C8orf76: variants seen among roughly 807,000 people sequenced by gnomAD.
C8orf76 encodes the protein chromosome 8 open reading frame 76.
In C8orf76, 46 loss-of-function variants were observed where a neutral mutation model predicts 38.1. The ratio of observed to expected loss-of-function variants is 1.21; its 90% CI spans 0.95 to 1.54. The LOEUF (loss-of-function observed/expected upper bound fraction) is 1.54, where lower values mean the gene tolerates loss of function less well. Among genes scored for constraint, C8orf76 ranks in the 40% most tolerant of loss-of-function variants. The probability of loss-of-function intolerance (pLI) is 0.00; values close to 1 mark genes in which losing one functional copy is unlikely to be tolerated. For missense variants in C8orf76, 461 were observed against 441.6 expected (o/e 1.04, Z -0.39); for synonymous variants, 166 against 167.5 (o/e 0.99, Z 0.07).
chr8:123,226,796 C>T (rs1415838996), intron 4 of C8orf76, among the ~76,000 whole-genome samples, 164 bp from the exon 5 acceptor site: 1 of 152,188 alleles, frequency 6.6e-6, no homozygotes, highest in Non-Finnish European at 1.5e-5. Flanking sequence ...ATTTCAATCC[C>T]TAAAGCTTCC....
chr8:123,236,784 A>C (rs1386756977), intron 3 of C8orf76: 2 of 130,608 alleles, frequency 1.5e-5, no homozygotes, highest in East Asian at 2.5e-4. Context: ...ACTCTGTCTC[A>C]AAAAAAAAAA....
intron 4 of C8orf76, among the ~76,000 whole-genome samples, chr8:123,230,189 G>A (rs1169082226): frequency 6.6e-6 from 1 of 152,092 alleles, no homozygotes; most frequent in Non-Finnish European, 1.5e-5. Context: ...AACTGGTCAA[G>A]TGTATTCTCC....
At chr8:123,233,471 T>G (rs1199536755) in intron 3 of C8orf76, among the ~76,000 whole-genome samples, 1 of 151,768 alleles carries the variant, frequency 6.6e-6, no homozygotes, top group Non-Finnish European at 1.5e-5. Flanking sequence ...CTCGACTCAC[T>G]GCAATCTCCA....
In C8orf76 at chr8:123,220,229, G is replaced by A. The variant is rs769019288; in HGVS notation, c.1017C>T (p.Ser339=). The A allele has an allele frequency of 9.9e-6, 16 of 1,613,560 alleles. No homozygotes were observed. The South Asian group carries it at 1.3e-4, about 13-fold the overall frequency. ...EVHPEVKCVG[S]VALTALVTVS... Reference sequence around the variant, plus strand: ...CAGTCACCAAGGCAGTCAGGGCTACGGAGCCAACACACTTCACCTCTGGGT... The same window carrying A: ...CAGTCACCAAGGCAGTCAGGGCTACAGAGCCAACACACTTCACCTCTGGGT... The change falls in exon 6 of 6, where the codon TCC becomes TCT. Residue 339 remains serine, a synonymous_variant. Transcript: ENST00000276704.
intron 3 of C8orf76, among the ~76,000 whole-genome samples, chr8:123,235,781 C>G (rs986519401): frequency 5.9e-5 from 9 of 152,084 alleles, no homozygotes; most frequent in African/African-American, 2.2e-4. Context: ...CAGAGATGAC[C>G]CAACCCCTGC....
intron 3 of C8orf76, among the ~76,000 whole-genome samples, chr8:123,234,755 C>T (rs376792318): frequency 2.0e-5 from 3 of 150,326 alleles, no homozygotes; most frequent in African/African-American, 4.9e-5. Flanking sequence ...GGCGACAGTG[C>T]GAGACTCCAT....
rs569063193 is a variant in C8orf76, at chr8:123,240,452, CG to C, written c.117+777del. Reference sequence around the variant, plus strand: ...ATGCGAAGGAACCCACCACAGTGCCCGGAACACTTCCGTATTTTCCATAAAT... The same window carrying C: ...ATGCGAAGGAACCCACCACAGTGCCCGAACACTTCCGTATTTTCCATAAAT... On this transcript the variant is annotated intron_variant, in intron 1 of 5. Transcript: ENST00000276704. Among the ~76,000 whole-genome samples the C allele has an allele frequency of 1.4e-3, 214 of 152,294 alleles. 2 individuals carry two copies. Among genetic ancestry groups the C allele is most frequent in the Non-Finnish European group, 2.3e-3 (159 of 68,026 alleles).
At chr8:123,238,986 A>G in intron 2 of C8orf76, 63 bp downstream of exon 2, 1 of 1,519,742 alleles carries the variant, frequency 6.6e-7, no homozygotes. Flanking sequence ...GTACACTGTT[A>G]TTTACATATG....
intron 3 of C8orf76, among the ~76,000 whole-genome samples, chr8:123,236,207 G>T (rs965994018): frequency 1.7e-4 from 26 of 152,218 alleles, no homozygotes; most frequent in African/African-American, 6.0e-4. Flanking sequence ...TGAGATGGCA[G>T]ATGTCAGCTC....
chr8:123,224,666 C>T (rs1280407159), intron 5 of C8orf76, among the ~76,000 whole-genome samples: 1 of 152,174 alleles, frequency 6.6e-6, no homozygotes, highest in East Asian at 1.9e-4. Flanking sequence ...ACAATCCTAA[C>T]GAGGGCCCAG....
At position 123,226,489 on chromosome 8, in the gene C8orf76, GATACA is replaced by G; in HGVS notation, c.948+6_948+10del. 6.2e-7 allele frequency: 1 copy of G among 1,609,288 alleles called. No homozygotes were observed. Among genetic ancestry groups the G allele is most frequent in the African/African-American group, 1.3e-5 (1 of 74,696 alleles). ...TGCTTCGTTTCACATAAACCCGAGG[GATACA>G]CTCACCTCAGCTATCAACAGCAAAG... is the stretch of plus-strand genomic sequence containing the variant. On this transcript the variant is annotated splice_donor_region_variant and intron_variant, in intron 5 of 5. Coordinates refer to ENST00000276704, the MANE Select transcript of C8orf76 (RefSeq NM_032847.3).
chr8:123,220,889 G>A (rs1453462239), intron 5 of C8orf76, among the ~76,000 whole-genome samples: 1 of 152,170 alleles, frequency 6.6e-6, no homozygotes, highest in Non-Finnish European at 1.5e-5. Flanking sequence ...GTTGTAGAAA[G>A]CTTGTACCTG....
chr8:123,222,270 C>CA (rs1284612076), intron 5 of C8orf76, among the ~76,000 whole-genome samples: 2 of 152,220 alleles, frequency 1.3e-5, no homozygotes, highest in African/African-American at 4.8e-5. Context: ...GGGCGTGCGC[C>CA]ACCGCGCCCG....
In C8orf76 at chr8:123,231,737, T is replaced by C. The variant is rs1380404897; in HGVS notation, c.378A>G (p.Thr126=). ...AANLENKATN[T]DHLTTVLYLQ... The stretch of plus-strand genomic sequence containing the variant: ...GGTAGAGTACCGTGGTTAAATGGTC[T>C]GTGTTGGTTGCTTTATTTTCCTAAG... The change falls in exon 4 of 6, where the codon ACA becomes ACG. Residue 126 remains threonine, a synonymous_variant. Coordinates refer to ENST00000276704, the MANE Select transcript of C8orf76 (RefSeq NM_032847.3). 4.4e-6 allele frequency: 7 copies of C among 1,583,922 alleles called. No individual in the cohort carries two copies. The highest frequency in any genetic ancestry group is 6.0e-6 in the Non-Finnish European group (7 of 1,170,780).
intron 3 of C8orf76, 54 bp from the exon 4 acceptor site, chr8:123,231,811 T>C (rs572205575): frequency 1.3e-4 from 193 of 1,509,094 alleles, no homozygotes; most frequent in Middle Eastern, 3.6e-4. Flanking sequence ...ATTTTCCATA[T>C]AAAATGAGAA....
In C8orf76 at chr8:123,220,177, A is replaced by C. The variant is rs368387597; in HGVS notation, c.1069T>G (p.Trp357Gly). 6.2e-7 allele frequency: 1 copy of C among 1,613,992 alleles called. No individual in the cohort carries two copies. The highest frequency in any genetic ancestry group is 8.5e-7 in the Non-Finnish European group (1 of 1,179,988). Residue 357 changes from tryptophan (W) to glycine (G), a missense_variant, in exon 6 of 6, where the codon TGG (tryptophan) becomes GGG (glycine). Coordinates refer to ENST00000276704, the MANE Select transcript of C8orf76 (RefSeq NM_032847.3). ...TVSSEEFEDK[W>G]FRKIKDHFCP... ...AAATGGTCTTTGATCTTTCTGAACCACTTGTCTTCAAATTCTTCTGAGGAT... is the reference window on the plus strand; with the variant it reads ...AAATGGTCTTTGATCTTTCTGAACCCCTTGTCTTCAAATTCTTCTGAGGAT...
intron 4 of C8orf76, among the ~76,000 whole-genome samples, chr8:123,227,566 CA>C (rs1825091368): frequency 6.6e-6 from 1 of 152,168 alleles, no homozygotes; most frequent in Non-Finnish European, 1.5e-5. Context: ...AGATACCAGG[CA>C]AGCTACGAGC....
chr8:123,234,960 T>C (rs375645258), intron 3 of C8orf76, among the ~76,000 whole-genome samples: 1 of 151,950 alleles, frequency 6.6e-6, no homozygotes. Context: ...AGACTCCATC[T>C]CAAAAAGAAA....
At chr8:123,222,286 C>T (rs949737030) in intron 5 of C8orf76, among the ~76,000 whole-genome samples, 9 of 152,196 alleles carry the variant, frequency 5.9e-5, no homozygotes, top group Admixed American at 2.0e-4. Context: ...GCCCGGCAGG[C>T]ATCTTATTTT....
Sources: gnomAD v4.1 joint callset for allele counts (sites outside exome capture counted in the v4.1 genomes callset) on GRCh38, gnomAD v4.1.1 for gene constraint, MANE v1.5 for transcripts, NCBI Gene and HGNC (gene_info 2026-07-23, HGNC 2026-07-21) for gene names.